HYDIN: variants seen among roughly 807,000 people sequenced by gnomAD.
HYDIN encodes HYDIN axonemal central pair apparatus protein, also known as axonemal central pair apparatus protein HYDIN.
A neutral mutation model predicts 403.9 loss-of-function variants in HYDIN; 132 were observed. That is an observed-to-expected ratio of 0.33 (90% CI 0.28 to 0.38). The LOEUF (loss-of-function observed/expected upper bound fraction) is 0.38, where lower values mean the gene tolerates loss of function less well. Ranked by LOEUF, HYDIN falls within the 10% of genes least tolerant of loss-of-function variation. HYDIN has a pLI of 1.00. For missense variants in HYDIN, 2,827 were observed against 5,009.5 expected (o/e 0.56, Z 13.15); for synonymous variants, 1,202 against 1,891.7 (o/e 0.64, Z 9.46).
chr16:71,183,462 A>G (rs570333245), intron 3 of HYDIN, among the ~76,000 whole-genome samples: 1 of 152,290 alleles, frequency 6.6e-6, no homozygotes. Flanking sequence ...CTCAGGAAAA[A>G]TGTAGTGTAT....
intron 13 of HYDIN, among the ~76,000 whole-genome samples, chr16:71,074,707 CAAAAAAAAAA>C (rs59315287): frequency 2.3e-5 from 2 of 86,244 alleles, no homozygotes; most frequent in African/African-American, 4.5e-5. Flanking sequence ...CAAAAAACAC[CAAAAAAAAAA>C]AAAAAAAAAA....
At chr16:71,200,123 A>T (rs548135073) in intron 1 of HYDIN, among the ~76,000 whole-genome samples, 54 of 152,364 alleles carry the variant, frequency 3.5e-4, no homozygotes, top group African/African-American at 1.2e-3. Flanking sequence ...AAATGCCATG[A>T]CAACATCAGG....
At chr16:71,172,508 T>C (rs2086507357) in intron 5 of HYDIN, among the ~76,000 whole-genome samples, 3 of 150,942 alleles carry the variant, frequency 2.0e-5, no homozygotes, top group Admixed American at 6.6e-5. Flanking sequence ...ATTAATAACA[T>C]ATCCAATCAT....
intron 1 of HYDIN, among the ~76,000 whole-genome samples, chr16:71,226,388 A>C (rs1322726448): frequency 6.6e-6 from 1 of 152,196 alleles, no homozygotes; most frequent in Non-Finnish European, 1.5e-5. Context: ...CTTATGAAAA[A>C]AAAACACCTC....
chr16:70,923,585 G>A (rs865826211), intron 45 of HYDIN, among the ~76,000 whole-genome samples: 3,863 of 122,636 alleles, frequency 0.031, 225 homozygotes, highest in African/African-American at 0.11. Context: ...GGCGGATCAC[G>A]AGGTCAGGAG....
At chr16:70,880,742 G>A (rs1464919730) in intron 60 of HYDIN, among the ~76,000 whole-genome samples, 2 of 152,122 alleles carry the variant, frequency 1.3e-5, no homozygotes, top group Non-Finnish European at 2.9e-5. Flanking sequence ...GCCCTGGCAT[G>A]GCCTTAAAAG....
intron 1 of HYDIN, among the ~76,000 whole-genome samples, chr16:71,197,252 A>G (rs748823350): frequency 8.5e-5 from 13 of 152,238 alleles, no homozygotes; most frequent in Non-Finnish European, 1.3e-4. Flanking sequence ...AAAATAGTAC[A>G]GTATCTACTA....
intron 36 of HYDIN, among the ~76,000 whole-genome samples, chr16:70,966,996 T>A (rs1335909189): frequency 6.6e-6 from 1 of 151,302 alleles, no homozygotes; most frequent in Non-Finnish European, 1.5e-5. Flanking sequence ...ACTACTCAGC[T>A]GGTATTAACT....
rs1201352279 is a variant in HYDIN at position 71,103,992 on chromosome 16, G to A, written c.1328-10057C>T. ...AGTATATGGGTCTTGTATACATTTT[G>A]TCAAATTTATCTCTAATTATTTTAT... On this transcript the variant is annotated intron_variant, in intron 10 of 85. Transcript: ENST00000393567. 3.9e-5 allele frequency among the ~76,000 whole-genome samples: 6 copies of A among 152,048 alleles called. No homozygotes were observed. The East Asian group carries it at 1.2e-3, about 29-fold the overall frequency.
intron 22 of HYDIN, among the ~76,000 whole-genome samples, chr16:71,018,780 T>C (rs1182501976): frequency 1.3e-5 from 2 of 152,302 alleles, no homozygotes; most frequent in Non-Finnish European, 2.9e-5. Context: ...ATTGAGGAGT[T>C]GTAAAGGAAA....
intron 1 of HYDIN, among the ~76,000 whole-genome samples, chr16:71,218,243 A>C (rs1216527841): frequency 6.6e-6 from 1 of 152,174 alleles, no homozygotes; most frequent in Non-Finnish European, 1.5e-5. Flanking sequence ...TATTAATCCC[A>C]ATGTGGTAAG....
At position 70,879,448 on chromosome 16, in the gene HYDIN, G is replaced by C. The variant is rs761959225; in HGVS notation, c.10406C>G (p.Ala3469Gly). The C allele has an allele frequency of 1.2e-6, 2 of 1,612,940 alleles. No individual in the cohort carries two copies. Among genetic ancestry groups the C allele is most frequent in the East Asian group, 4.5e-5 (2 of 44,862 alleles). Reference sequence around the variant, plus strand: ...CACTCGAGGGAGGTTCCCCTCACCAGCGATGTCAAACACGAGGCCTCGGCT... The same window carrying C: ...CACTCGAGGGAGGTTCCCCTCACCACCGATGTCAAACACGAGGCCTCGGCT... Reference protein sequence around the residue: ...AKSRGLVFDIAGEGNLPRVTV... With the variant: ...AKSRGLVFDIGGEGNLPRVTV... The change falls in exon 62 of 86, where the codon GCT becomes GGT. Residue 3469 changes from alanine (A) to glycine (G), a missense_variant. By Grantham distance (60) the Ala-to-Gly change is moderately conservative. Coordinates refer to ENST00000393567, the MANE Select transcript of HYDIN (RefSeq NM_001270974.2).
chr16:71,216,977 G>C (rs1463040122), intron 1 of HYDIN, among the ~76,000 whole-genome samples: 1 of 152,128 alleles, frequency 6.6e-6, no homozygotes, highest in African/African-American at 2.4e-5. Flanking sequence ...CTCAACTCTT[G>C]TCCTACAAAA....
chr16:71,003,768 C>T (rs1017041083), intron 23 of HYDIN, among the ~76,000 whole-genome samples: 1 of 150,536 alleles, frequency 6.6e-6, no homozygotes, highest in African/African-American at 2.4e-5. Context: ...CATTGCACTC[C>T]AGCCCAGGGG....
intron 9 of HYDIN, among the ~76,000 whole-genome samples, chr16:71,118,069 C>T: frequency 6.6e-6 from 1 of 152,124 alleles, no homozygotes. Context: ...AGTACTTCTT[C>T]CTCTGTGACC....
chr16:70,898,708 C>G (rs2076277004), intron 53 of HYDIN, among the ~76,000 whole-genome samples: 1 of 151,988 alleles, frequency 6.6e-6, no homozygotes, highest in South Asian at 2.1e-4. Flanking sequence ...CAAAGAGAAG[C>G]TGGGATGATC....
At chr16:71,185,661 GA>G (rs532653485) in intron 2 of HYDIN, among the ~76,000 whole-genome samples, 2 of 150,464 alleles carry the variant, frequency 1.3e-5, no homozygotes, top group African/African-American at 2.4e-5. Flanking sequence ...AATGTTATGA[GA>G]AAAAAAAAGT....
intron 1 of HYDIN, among the ~76,000 whole-genome samples, chr16:71,189,766 C>CAAAAAAAA (rs35684537): frequency 1.8e-5 from 2 of 111,908 alleles, no homozygotes; most frequent in Non-Finnish European, 3.9e-5. Flanking sequence ...GACTCTGCCT[C>CAAAAAAAA]AAAAAAAAAA....
At chr16:70,956,988 C>T (rs1344774836) in intron 39 of HYDIN, among the ~76,000 whole-genome samples, 1 of 143,978 alleles carries the variant, frequency 6.9e-6, no homozygotes, top group Non-Finnish European at 1.5e-5. Context: ...ATATACATAA[C>T]AGTTGTCACT....
Sources: allele counts gnomAD v4.1 joint callset (sites outside exome capture counted in the v4.1 genomes callset), GRCh38; gene constraint gnomAD v4.1.1; transcripts MANE v1.5; gene names NCBI Gene and HGNC (gene_info 2026-07-23, HGNC 2026-07-21).